PDZD2: variants seen among roughly 807,000 people sequenced by gnomAD.
PDZD2 encodes the protein PDZ domain containing 2, also known as PDZ domain-containing protein 2.
PDZD2 carries 90 observed loss-of-function variants against 220.7 expected under a neutral mutation model. That is an observed-to-expected ratio of 0.41 (90% confidence interval 0.34 to 0.49). The LOEUF is 0.49. Among genes scored for constraint, PDZD2 ranks in the 20% least tolerant of loss-of-function variants. The probability of loss-of-function intolerance (pLI) is 0.28; values close to 1 mark genes in which losing one functional copy is unlikely to be tolerated. For synonymous variants in PDZD2, 1,375 were observed against 1,450.5 expected (o/e 0.95, Z 1.18); for missense variants, 3,174 against 3,608.5 (o/e 0.88, Z 3.08).
chr5:31,689,524 C>G (rs1303122465), intron 1 of PDZD2, among the ~76,000 whole-genome samples: 5 of 151,020 alleles, frequency 3.3e-5, no homozygotes, highest in Admixed American at 3.3e-4. Context: ...ACGAGCAAAA[C>G]TATGTGTTAA....
chr5:32,066,965 A>G (rs1028441984), intron 14 of PDZD2, among the ~76,000 whole-genome samples: 9 of 152,180 alleles, frequency 5.9e-5, no homozygotes, highest in Admixed American at 5.2e-4. Context: ...ACTGGATTTC[A>G]TGTTTCTTCC....
intron 2 of PDZD2, among the ~76,000 whole-genome samples, chr5:31,925,913 A>G (rs572493052): frequency 2.0e-5 from 3 of 152,286 alleles, no homozygotes; most frequent in South Asian, 2.1e-4. Context: ...ATGAGATACC[A>G]TCTCACACCA....
intron 1 of PDZD2, among the ~76,000 whole-genome samples, chr5:31,745,049 G>A (rs577835644): frequency 7.2e-4 from 109 of 151,348 alleles, no homozygotes; most frequent in Admixed American, 1.5e-3. Context: ...CTCCAGCCTG[G>A]GCGACAGAGG....
Position 31,639,726 on chromosome 5 carries a change from G to C in PDZD2, c.-361+289G>C, listed in dbSNP as rs1233887547. Among the ~76,000 whole-genome samples, 5 of 152,194 alleles carry C rather than the reference G, an allele frequency of 3.3e-5. No homozygotes were observed. The highest frequency in any genetic ancestry group is 1.3e-4 in the Admixed American group (2 of 15,278). On this transcript the variant is annotated intron_variant, in intron 1 of 24. Transcript: ENST00000438447. This position sits in a 1 kb window ranked among gnomAD's most constrained non-coding sequence, Gnocchi z 4.1. ...CGGGACAACCGGAGACGCACTGCCG[G>C]GGGTACTCAAGACAGGGCCGGGACC... is the stretch of plus-strand genomic sequence containing the variant.
intron 2 of PDZD2, among the ~76,000 whole-genome samples, chr5:31,824,751 C>A (rs925799435): frequency 2.0e-5 from 3 of 151,512 alleles, no homozygotes; most frequent in East Asian, 1.9e-4. Flanking sequence ...AGCTTTAGTT[C>A]CCTCATTTTA....
chr5:32,025,516 ACT>A (rs1291288069), intron 6 of PDZD2, among the ~76,000 whole-genome samples: 3 of 95,892 alleles, frequency 3.1e-5, no homozygotes, highest in Non-Finnish European at 6.6e-5. Flanking sequence ...CAAGAGTGAA[ACT>A]CTGTCACAAA....
intron 19 of PDZD2, among the ~76,000 whole-genome samples, chr5:32,080,000 C>T (rs745981610): frequency 6.6e-6 from 1 of 152,092 alleles, no homozygotes; most frequent in Non-Finnish European, 1.5e-5. Context: ...GCTGGACAAA[C>T]ACTAACAAGC....
intron 1 of PDZD2, among the ~76,000 whole-genome samples, chr5:31,790,172 A>G (rs571538601): frequency 9.9e-5 from 15 of 151,528 alleles, no homozygotes; most frequent in Non-Finnish European, 1.9e-4. Context: ...CAGTGGTGCA[A>G]TCTCGGCTCA....
In PDZD2 at chr5:31,778,041, C is replaced by T. The variant is rs6874131; in HGVS notation, c.-360-20848C>T. Among the ~76,000 whole-genome samples, 392 of 151,990 alleles carry T rather than the reference C, an allele frequency of 2.6e-3. 1 individual carries two copies. The highest frequency in any genetic ancestry group is 8.7e-3 in the African/African-American group (360 of 41,434). On this transcript the variant is annotated intron_variant, in intron 1 of 24. Coordinates refer to ENST00000438447, the MANE Select transcript of PDZD2 (RefSeq NM_178140.4). The stretch of plus-strand genomic sequence containing the variant: ...GCTCGGGGATTGTAAACGCACCAAT[C>T]AGCATTCTGTGTCTAGCTAAAGGTT...
At chr5:31,829,489 G>A (rs1349133367) in intron 2 of PDZD2, among the ~76,000 whole-genome samples, 2 of 151,664 alleles carry the variant, frequency 1.3e-5, no homozygotes, top group Non-Finnish European at 2.9e-5. Flanking sequence ...GCTAATTTTT[G>A]TATTTTTAGT....
intron 2 of PDZD2, among the ~76,000 whole-genome samples, chr5:31,981,149 A>G (rs1049380799): frequency 3.3e-5 from 5 of 152,168 alleles, no homozygotes; most frequent in African/African-American, 1.2e-4. Flanking sequence ...GCGTCTGTAC[A>G]GTATCTTTTA....
At chr5:31,711,623 C>T (rs1405264638) in intron 1 of PDZD2, among the ~76,000 whole-genome samples, 1 of 152,218 alleles carries the variant, frequency 6.6e-6, no homozygotes, top group Non-Finnish European at 1.5e-5. Context: ...TCTCCACCCA[C>T]TTCCTCTGTG....
chr5:31,852,786 G>A (rs1043367280), intron 2 of PDZD2, among the ~76,000 whole-genome samples: 1 of 152,052 alleles, frequency 6.6e-6, no homozygotes, highest in African/African-American at 2.4e-5. Flanking sequence ...TAGCAGAGAT[G>A]GGGTTTCACC....
At chr5:31,911,551 T>C (rs1261585901) in intron 2 of PDZD2, among the ~76,000 whole-genome samples, 1 of 152,242 alleles carries the variant, frequency 6.6e-6, no homozygotes, top group African/African-American at 2.4e-5. Flanking sequence ...TTCGTTTCTC[T>C]GTTTTCTTGC....
intron 2 of PDZD2, among the ~76,000 whole-genome samples, chr5:31,872,697 G>A (rs1738929283): frequency 6.6e-6 from 1 of 152,046 alleles, no homozygotes; most frequent in Admixed American, 6.6e-5. Flanking sequence ...TGAAACATCG[G>A]CATATTAGTC....
At position 31,949,822 on chromosome 5, in the gene PDZD2, G is replaced by A. The variant is rs182738026; in HGVS notation, c.477-33333G>A. 5.8e-3 allele frequency among the ~76,000 whole-genome samples: 869 copies of A among 149,086 alleles called. 8 individuals carry two copies. The highest frequency in any genetic ancestry group is 0.02 in the African/African-American group (810 of 40,362). ...CAAGTAGCTGGGATTACAGGCATGC[G>A]CTACCACACCAGCTAATTTTTTTTT... On this transcript the variant is annotated intron_variant, in intron 2 of 24. Coordinates refer to ENST00000438447, the MANE Select transcript of PDZD2 (RefSeq NM_178140.4).
intron 1 of PDZD2, among the ~76,000 whole-genome samples, chr5:31,786,993 C>T (rs1439728088): frequency 6.6e-6 from 1 of 152,114 alleles, no homozygotes; most frequent in Admixed American, 6.6e-5. Flanking sequence ...AAAAAAATCA[C>T]TCTGGTGTAA....
At chr5:31,676,519 A>G (rs1363489103) in intron 1 of PDZD2, among the ~76,000 whole-genome samples, 4 of 152,028 alleles carry the variant, frequency 2.6e-5, no homozygotes, top group Admixed American at 6.6e-5. Context: ...GATGAGCAGA[A>G]ATATAACAGC....
intron 1 of PDZD2, among the ~76,000 whole-genome samples, chr5:31,778,695 C>T (rs1752869352): frequency 6.6e-6 from 1 of 152,150 alleles, no homozygotes; most frequent in Non-Finnish European, 1.5e-5. Context: ...CCGGGAGGGT[C>T]CGCGGCTTCA....
Sources: gnomAD v4.1 joint callset for allele counts (sites outside exome capture counted in the v4.1 genomes callset) on GRCh38, gnomAD v4.1.1 for gene constraint, Gnocchi (gnomAD v3.1) non-coding constraint, MANE v1.5 for transcripts, NCBI Gene and HGNC (gene_info 2026-07-23, HGNC 2026-07-21) for gene names.